Variants in THRAP3 observed in about 807,000 individuals in gnomAD.
THRAP3 encodes thyroid hormone receptor associated protein 3, also known as thyroid hormone receptor-associated protein 3.
THRAP3 carries 16 observed loss-of-function variants against 101.0 expected under a neutral mutation model. The ratio of observed to expected loss-of-function variants is 0.16; its 90% CI spans 0.11 to 0.24. THRAP3 has a LOEUF of 0.24. THRAP3 is among the 10% of genes least tolerant of loss of function. The pLI, the probability that THRAP3 is intolerant of heterozygous loss-of-function variation, is 1.00. For synonymous variants in THRAP3, 407 were observed against 422.6 expected (o/e 0.96, Z 0.45); for missense variants, 989 against 1,202.7 (o/e 0.82, Z 2.63).
chr1:36,285,377 GT>G (rs538957219), intron 3 of THRAP3, among the ~76,000 whole-genome samples: 136 of 152,274 alleles, frequency 8.9e-4, no homozygotes, highest in African/African-American at 3.2e-3. Flanking sequence ...ACCCCAATGG[GT>G]TTTTACACCA....
At chr1:36,299,241 C>T (rs949406392) in intron 9 of THRAP3, among the ~76,000 whole-genome samples, 1 of 151,954 alleles carries the variant, frequency 6.6e-6, no homozygotes, top group African/African-American at 2.4e-5. Flanking sequence ...AAGATTGAGA[C>T]CATCCTGGCC....
chr1:36,229,762 C>T (rs1343944286), intron 1 of THRAP3, among the ~76,000 whole-genome samples: 3 of 151,946 alleles, frequency 2.0e-5, no homozygotes, highest in African/African-American at 7.2e-5. Context: ...AAGTGATTCT[C>T]CTGCCTCAGC....
chr1:36,281,578 C>T (rs1645731947), intron 2 of THRAP3, among the ~76,000 whole-genome samples: 1 of 145,150 alleles, frequency 6.9e-6, no homozygotes, highest in African/African-American at 2.6e-5. Flanking sequence ...GTCATTTCAT[C>T]TTTTTTTTTT....
At chr1:36,264,561 C>G (rs1645488182) in intron 2 of THRAP3, among the ~76,000 whole-genome samples, 1 of 152,150 alleles carries the variant, frequency 6.6e-6, no homozygotes, top group African/African-American at 2.4e-5. Flanking sequence ...ATTTCCTCAC[C>G]TAACACCCAC....
At chr1:36,287,851 CT>C in intron 4 of THRAP3, 1 of 985,452 alleles carries the variant, frequency 1.0e-6, no homozygotes, top group Non-Finnish European at 1.2e-6. Context: ...GTGCTTCCGT[CT>C]TTCTCCCCTG....
chr1:36,289,734 G>A lies in THRAP3; in HGVS notation c.1715G>A (p.Arg572Gln), dbSNP rs748510935. ...SITREAQVNV[R>Q]MDSFDEDLAR... ...ACTCGAGAGGCACAGGTCAATGTCC[G>A]GATGGACTCTTTTGATGAGGACCTC... Residue 572 changes from arginine to glutamine, a missense_variant, in exon 5 of 12, where the codon CGG becomes CAG. Coordinates refer to ENST00000354618, the MANE Select transcript of THRAP3 (RefSeq NM_005119.4). The A allele has an allele frequency of 3.1e-6, 5 of 1,611,460 alleles. No homozygotes were observed. In the African/African-American group the frequency reaches 5.4e-5, roughly 17 times the overall value.
intron 1 of THRAP3, among the ~76,000 whole-genome samples, chr1:36,228,886 G>C (rs535655660): frequency 4.1e-4 from 62 of 152,214 alleles, no homozygotes; most frequent in African/African-American, 1.4e-3. Context: ...TATAATCCCA[G>C]CACTTTGGGA....
chr1:36,297,229 G>A (rs1645964350), intron 9 of THRAP3, among the ~76,000 whole-genome samples: 1 of 152,200 alleles, frequency 6.6e-6, no homozygotes, highest in Admixed American at 6.5e-5. Flanking sequence ...TTTACAGACA[G>A]TTCCAAGAGA....
intron 1 of THRAP3, among the ~76,000 whole-genome samples, chr1:36,239,516 C>T (rs1645130529): frequency 6.6e-6 from 1 of 152,176 alleles, no homozygotes; most frequent in Non-Finnish European, 1.5e-5. Flanking sequence ...ATCCTCTCAC[C>T]TCGGCCTCCT....
chr1:36,261,329 G>A (rs570607721), intron 2 of THRAP3, among the ~76,000 whole-genome samples: 136 of 152,206 alleles, frequency 8.9e-4, no homozygotes, highest in African/African-American at 3.1e-3. Context: ...TCAGGAGATC[G>A]AGACCATCCT....
intron 1 of THRAP3, among the ~76,000 whole-genome samples, chr1:36,253,502 A>G (rs554780952): frequency 2.6e-5 from 4 of 152,302 alleles, no homozygotes; most frequent in Admixed American, 2.0e-4. Flanking sequence ...GAATAAAGTA[A>G]TTTGACATTT....
At position 36,286,001 on chromosome 1, in the gene THRAP3, T is replaced by A. The variant is rs536462133; in HGVS notation, c.138-367T>A. Reference sequence around the variant, plus strand: ...TCGTTTCCAATGACCTGGAGCCCTGTTAAAATCCCCGTGCCTGTGAAACTG... The same window carrying A: ...TCGTTTCCAATGACCTGGAGCCCTGATAAAATCCCCGTGCCTGTGAAACTG... On this transcript the variant is annotated intron_variant, in intron 3 of 11. Coordinates refer to ENST00000354618, the MANE Select transcript of THRAP3 (RefSeq NM_005119.4). This position sits in a 1 kb window ranked among gnomAD's most constrained non-coding sequence, Gnocchi z 5.5. Among the ~76,000 whole-genome samples the A allele has an allele frequency of 6.6e-6, 1 of 152,328 alleles. No individual in the cohort carries two copies. The highest frequency in any genetic ancestry group is 2.4e-5 in the African/African-American group (1 of 41,564).
the THRAP3 span, among the ~76,000 whole-genome samples, chr1:36,211,233 C>T: frequency 1.3e-5 from 2 of 151,690 alleles, no homozygotes; most frequent in East Asian, 1.9e-4. Context: ...TGGTGGCACG[C>T]GCCTGTGTTC....
the THRAP3 span, among the ~76,000 whole-genome samples, chr1:36,213,961 AGG>A: frequency 9.7e-6 from 1 of 103,020 alleles, no homozygotes; most frequent in South Asian, 2.8e-4. Flanking sequence ...GAAAGAAAGA[AGG>A]AAAGAGAAAG....
chr1:36,236,259 G>A (rs1645087355), intron 1 of THRAP3, among the ~76,000 whole-genome samples: 1 of 147,568 alleles, frequency 6.8e-6, no homozygotes, highest in Admixed American at 6.8e-5. Context: ...CAGACTGGGC[G>A]CAAAAACCAA....
chr1:36,290,182 A>G (rs1052204182), intron 5 of THRAP3, among the ~76,000 whole-genome samples: 8 of 151,764 alleles, frequency 5.3e-5, no homozygotes, highest in African/African-American at 1.9e-4. Context: ...TATTTTTGAG[A>G]TAGTCTCTCT....
Position 36,300,873 on chromosome 1 carries a change from T to C in THRAP3, c.2304-13T>C, listed in dbSNP as rs777646079. Reference sequence around the variant, plus strand: ...AAAGATGATTGATCACCCTGGCTCTTCTCTTTTCACAGGAAGCATCGGAGA... The same window carrying C: ...AAAGATGATTGATCACCCTGGCTCTCCTCTTTTCACAGGAAGCATCGGAGA... On this transcript the variant is annotated splice_polypyrimidine_tract_variant and intron_variant, in intron 9 of 11. Transcript: ENST00000354618. 45 of 1,612,222 alleles carry C rather than the reference T, an allele frequency of 2.8e-5. 1 individual carries two copies. The South Asian group carries it at 4.8e-4, about 17-fold the overall frequency.
chr1:36,219,565 C>T (rs182480952), upstream of THRAP3, among the ~76,000 whole-genome samples: 413 of 152,096 alleles, frequency 2.7e-3, 4 homozygotes, highest in African/African-American at 9.4e-3. Flanking sequence ...GTTGGGATTA[C>T]AGTCACCCGC....
At chr1:36,297,442 G>A (rs1570349393) in intron 9 of THRAP3, among the ~76,000 whole-genome samples, 1 of 146,618 alleles carries the variant, frequency 6.8e-6, no homozygotes, top group African/African-American at 2.5e-5. Flanking sequence ...TAGCTGGCAA[G>A]CATTTTTTTT....
Sources: allele counts gnomAD v4.1 joint callset (sites outside exome capture counted in the v4.1 genomes callset), GRCh38; gene constraint gnomAD v4.1.1; non-coding constraint Gnocchi (gnomAD v3.1); transcripts MANE v1.5; gene names NCBI Gene and HGNC (gene_info 2026-07-23, HGNC 2026-07-21).